The following MOB3B variants were observed in gnomAD, a reference collection of about 807,000 sequenced individuals.
MOB3B encodes MOB kinase activator-like 2B.
Under a neutral mutation model 18.7 loss-of-function variants are expected in MOB3B, and 7 were observed. The observed-to-expected ratio is 0.37, with a 90% confidence interval of 0.21 to 0.70. The LOEUF (loss-of-function observed/expected upper bound fraction) is 0.70, where lower values mean the gene tolerates loss of function less well. Ranked by LOEUF, MOB3B falls within the 30% of genes least tolerant of loss-of-function variation. The probability of loss-of-function intolerance (pLI) is 0.52; values close to 1 mark genes in which losing one functional copy is unlikely to be tolerated. For synonymous variants in MOB3B, 111 were observed against 99.9 expected (o/e 1.11, Z -0.66); for missense variants, 253 against 281.3 (o/e 0.90, Z 0.72).
intron 2 of MOB3B, among the ~76,000 whole-genome samples, chr9:27,437,768 A>G (rs886146149): frequency 1.3e-5 from 2 of 152,204 alleles, no homozygotes; most frequent in African/African-American, 4.8e-5. Context: ...CTTATATTTG[A>G]CAGGGCTTAT....
At chr9:27,358,729 G>A (rs1821228523) in intron 3 of MOB3B, 6 of 533,598 alleles carry the variant, frequency 1.1e-5, no homozygotes, top group South Asian at 7.9e-5. Flanking sequence ...GCCCATTTAA[G>A]GAATTCAATA....
chr9:27,355,753 G>A (rs536804745), intron 3 of MOB3B, among the ~76,000 whole-genome samples: 20 of 151,934 alleles, frequency 1.3e-4, no homozygotes, highest in South Asian at 4.2e-4. Context: ...TCGTAGAGAC[G>A]GGGTTTCACC....
intron 2 of MOB3B, among the ~76,000 whole-genome samples, chr9:27,377,958 G>T (rs1821516089): frequency 6.6e-6 from 1 of 152,214 alleles, no homozygotes; most frequent in Non-Finnish European, 1.5e-5. Flanking sequence ...AGGTAGTGGG[G>T]TAAGAAATCA....
intron 2 of MOB3B, chr9:27,378,621 T>C: frequency 2.1e-6 from 1 of 471,130 alleles, no homozygotes; most frequent in Admixed American, 2.3e-5. Flanking sequence ...ACTCTATGGC[T>C]TTCTGGTCCA....
intron 1 of MOB3B, chr9:27,524,711 G>A (rs1563890632): frequency 6.2e-7 from 1 of 1,614,030 alleles, no homozygotes; most frequent in Non-Finnish European, 8.5e-7. Flanking sequence ...CAGAGTACCT[G>A]AACCAATGCT....
chr9:27,455,780 G>A (rs562038241), intron 1 of MOB3B, 32 bp from the exon 2 acceptor site: 1 of 1,408,256 alleles, frequency 7.1e-7, no homozygotes, highest in African/African-American at 1.4e-5. Flanking sequence ...GAACACATGA[G>A]TGCCCAGTTC....
chr9:27,452,680 T>C (rs1310988759), intron 2 of MOB3B, among the ~76,000 whole-genome samples: 1 of 152,162 alleles, frequency 6.6e-6, no homozygotes, highest in African/African-American at 2.4e-5. Flanking sequence ...TGGAATACTA[T>C]TCAGCCTTAA....
At chr9:27,344,208 C>T (rs1338534950) in intron 3 of MOB3B, among the ~76,000 whole-genome samples, 2 of 152,200 alleles carry the variant, frequency 1.3e-5, no homozygotes, top group South Asian at 4.2e-4. Context: ...CAAAAATCCT[C>T]ATAGGAGTTT....
intron 2 of MOB3B, among the ~76,000 whole-genome samples, chr9:27,426,248 TAA>T (rs1305361329): frequency 6.6e-6 from 1 of 152,198 alleles, no homozygotes; most frequent in African/African-American, 2.4e-5. Context: ...TTGGTATAAA[TAA>T]AGTCATGTAC....
intron 1 of MOB3B, among the ~76,000 whole-genome samples, chr9:27,511,616 A>G (rs111363269): frequency 2.6e-5 from 4 of 152,288 alleles, no homozygotes; most frequent in African/African-American, 9.6e-5. Flanking sequence ...CAAATTAATC[A>G]TTTAGCTTCT....
chr9:27,524,685 G>A, intron 1 of MOB3B: 2 of 1,613,988 alleles, frequency 1.2e-6, no homozygotes, highest in Non-Finnish European at 8.5e-7. Context: ...AATCCAAATA[G>A]GACTTGATCA....
intron 1 of MOB3B, among the ~76,000 whole-genome samples, chr9:27,494,596 C>A (rs1819870098): frequency 6.6e-6 from 1 of 152,168 alleles, no homozygotes; most frequent in Admixed American, 6.5e-5. Flanking sequence ...CTCACTGCAA[C>A]CTCCGCCCTC....
intron 1 of MOB3B, among the ~76,000 whole-genome samples, chr9:27,528,675 A>AG (rs1820479057): frequency 6.6e-6 from 1 of 152,076 alleles, no homozygotes; most frequent in Non-Finnish European, 1.5e-5. Flanking sequence ...GGCAAACAAT[A>AG]GGGGAAACGC....
At chr9:27,506,261 T>A (rs1563885523) in intron 1 of MOB3B, among the ~76,000 whole-genome samples, 1 of 152,182 alleles carries the variant, frequency 6.6e-6, no homozygotes, top group East Asian at 1.9e-4. Flanking sequence ...TTATTTAATA[T>A]CCCCAATTAA....
At chr9:27,423,356 T>G (rs1262084562) in intron 2 of MOB3B, among the ~76,000 whole-genome samples, 1 of 151,944 alleles carries the variant, frequency 6.6e-6, no homozygotes, top group Non-Finnish European at 1.5e-5. Flanking sequence ...TCTGTGAATA[T>G]CTTTGGCCCC....
At chr9:27,513,431 A>T (rs1820176096) in intron 1 of MOB3B, among the ~76,000 whole-genome samples, 1 of 151,406 alleles carries the variant, frequency 6.6e-6, no homozygotes, top group Non-Finnish European at 1.5e-5. Context: ...ATATCATACC[A>T]CTCTCTTGTT....
intron 2 of MOB3B, among the ~76,000 whole-genome samples, chr9:27,396,046 C>A (rs1017802052): frequency 1.3e-5 from 2 of 151,892 alleles, no homozygotes; most frequent in African/African-American, 4.8e-5. Flanking sequence ...GGTGCCTGGC[C>A]ACTTAAGGTA....
At chr9:27,510,668 T>C (rs1026840091) in intron 1 of MOB3B, among the ~76,000 whole-genome samples, 3 of 152,234 alleles carry the variant, frequency 2.0e-5, no homozygotes, top group Admixed American at 2.0e-4. Context: ...GTGGAGCTTT[T>C]AGCCAAATTA....
Position 27,459,697 on chromosome 9 carries a change from G to A in MOB3B, c.-198-3949C>T, listed in dbSNP as rs527693469. 4.6e-5 allele frequency among the ~76,000 whole-genome samples: 7 copies of A among 152,048 alleles called. No homozygotes were observed. In the South Asian group the frequency reaches 1.5e-3, roughly 32 times the overall value. On this transcript the variant is annotated intron_variant, in intron 1 of 3. Coordinates refer to ENST00000262244, the MANE Select transcript of MOB3B (RefSeq NM_024761.5). The stretch of plus-strand genomic sequence containing the variant: ...GACAATGACCAGGTCTTTTGATCTG[G>A]ACTGACTTGTATAGCCCAGCACCCA...
Sources: gnomAD v4.1 joint callset for allele counts (sites outside exome capture counted in the v4.1 genomes callset) on GRCh38, gnomAD v4.1.1 for gene constraint, MANE v1.5 for transcripts, NCBI Gene and HGNC (gene_info 2026-07-23, HGNC 2026-07-21) for gene names.